GSG1L: variants seen among roughly 807,000 people sequenced by gnomAD.
The protein encoded by GSG1L is germ cell-specific gene 1-like protein.
A neutral mutation model predicts 42.1 loss-of-function variants in GSG1L; 24 were observed. The ratio of observed to expected loss-of-function variants is 0.57; its 90% confidence interval spans 0.41 to 0.80. The LOEUF is 0.80. Among genes scored for constraint, GSG1L ranks in the 30% least tolerant of loss-of-function variants. The pLI is 0.00. For synonymous variants in GSG1L, 215 were observed against 203.5 expected, an observed-to-expected ratio of 1.06 and a Z score of -0.48; for missense variants, 445 against 472.2, an observed-to-expected ratio of 0.94 and a Z score of 0.53.
intron 1 of GSG1L, among the ~76,000 whole-genome samples, chr16:28,008,278 C>G (rs575477732): frequency 6.6e-6 from 1 of 152,168 alleles, no homozygotes. Context: ...CAGGGTTTCA[C>G]CATGTTGGCC....
At chr16:27,944,250 T>C (rs1242674810) in intron 2 of GSG1L, among the ~76,000 whole-genome samples, 1 of 152,172 alleles carries the variant, frequency 6.6e-6, no homozygotes, top group Non-Finnish European at 1.5e-5. Context: ...AAAAAGGTTT[T>C]AAAAATAAAT....
At chr16:27,962,768 C>T (rs2085083903) in intron 2 of GSG1L, among the ~76,000 whole-genome samples, 1 of 152,156 alleles carries the variant, frequency 6.6e-6, no homozygotes, top group Non-Finnish European at 1.5e-5. Context: ...TGTGAGATGA[C>T]AAAGGCCAGG....
chr16:27,919,790 T>C (rs533500514), intron 2 of GSG1L, among the ~76,000 whole-genome samples: 1 of 152,150 alleles, frequency 6.6e-6, no homozygotes, highest in Non-Finnish European at 1.5e-5. Context: ...TAGTTGATAA[T>C]ATGGAGTCCA....
chr16:27,994,416 A>C (rs2141137796), intron 1 of GSG1L, among the ~76,000 whole-genome samples: 1 of 152,324 alleles, frequency 6.6e-6, no homozygotes, highest in South Asian at 2.1e-4. Context: ...AGAAAACGTC[A>C]GTTTTCTGCA....
intron 1 of GSG1L, among the ~76,000 whole-genome samples, chr16:28,046,252 C>T (rs561385667): frequency 4.6e-5 from 7 of 151,462 alleles, no homozygotes; most frequent in Admixed American, 2.0e-4. Flanking sequence ...TGCCCAGCCA[C>T]GAGGCCATAC....
At chr16:27,967,407 T>C (rs1439657027) in intron 1 of GSG1L, among the ~76,000 whole-genome samples, 1 of 152,202 alleles carries the variant, frequency 6.6e-6, no homozygotes, top group Non-Finnish European at 1.5e-5. Flanking sequence ...CGGCCACAGA[T>C]GGGTGAACCC....
chr16:27,985,932 T>G (rs1300875718), intron 1 of GSG1L, among the ~76,000 whole-genome samples: 1 of 152,134 alleles, frequency 6.6e-6, no homozygotes, highest in African/African-American at 2.4e-5. Context: ...ACCCCCTTTT[T>G]GGGGTCTTCT....
At position 27,978,403 on chromosome 16, in the gene GSG1L, A is replaced by T. The variant is rs79405267; in HGVS notation, c.350-15200T>A. ...CCCGCAGACCTGAATTCAAATCCCC[A>T]CTGTGCCAGCTGGGCGCAGTGGCTC... is the stretch of plus-strand genomic sequence containing the variant. On this transcript the variant is annotated intron_variant, in intron 1 of 6. Coordinates refer to ENST00000447459, the MANE Select transcript of GSG1L (RefSeq NM_001109763.2). Among the ~76,000 whole-genome samples the T allele has an allele frequency of 6.8e-3, 1,038 of 152,202 alleles. 59 individuals carry two copies. The East Asian group carries it at 0.14, about 21-fold the overall frequency.
At chr16:27,994,154 G>A (rs2085488003) in intron 1 of GSG1L, among the ~76,000 whole-genome samples, 1 of 152,176 alleles carries the variant, frequency 6.6e-6, no homozygotes, top group South Asian at 2.1e-4. Context: ...AGGAGAGGCT[G>A]CTACAACGGC....
At chr16:27,888,528 TTTCTTTCTTTCTTTCTTTCTTTCTTTC>T (rs2084078033) in intron 2 of GSG1L, among the ~76,000 whole-genome samples, 1 of 26,528 alleles carries the variant, frequency 3.8e-5, no homozygotes, top group Non-Finnish European at 8.9e-5. Context: ...TCTTTCTTTC[TTTCTTTCTTTCTTTCTTTCTTTCTTTC>T]TTTCTTTCTT....
At chr16:27,817,729 T>C (rs757523131) in intron 5 of GSG1L, among the ~76,000 whole-genome samples, 11 of 152,248 alleles carry the variant, frequency 7.2e-5, no homozygotes, top group Non-Finnish European at 1.3e-4. Context: ...AAAAAATGCA[T>C]AGAAAAGGCA....
At chr16:27,870,439 A>G (rs540784859) in intron 3 of GSG1L, among the ~76,000 whole-genome samples, 3 of 145,050 alleles carry the variant, frequency 2.1e-5, no homozygotes, top group East Asian at 4.0e-4. Flanking sequence ...GTCTCCATCC[A>G]TCTCTCTCTC....
At chr16:28,003,928 G>A (rs1003224749) in intron 1 of GSG1L, among the ~76,000 whole-genome samples, 8 of 152,236 alleles carry the variant, frequency 5.3e-5, no homozygotes, top group African/African-American at 1.9e-4. Flanking sequence ...AGACTGCTCT[G>A]AAAAGCTTGA....
chr16:27,871,154 C>A (rs1181549890), intron 3 of GSG1L, among the ~76,000 whole-genome samples: 6 of 152,148 alleles, frequency 3.9e-5, no homozygotes, highest in Admixed American at 1.3e-4. Context: ...AACATTCCCC[C>A]ATGAAAATTC....
At chr16:27,982,897 C>G (rs1434784571) in intron 1 of GSG1L, among the ~76,000 whole-genome samples, 1 of 152,174 alleles carries the variant, frequency 6.6e-6, no homozygotes, top group Non-Finnish European at 1.5e-5. Context: ...TACCAGTCCC[C>G]ACCTCCAACA....
intron 3 of GSG1L, among the ~76,000 whole-genome samples, chr16:27,852,700 C>T (rs910603865): frequency 6.6e-6 from 1 of 152,072 alleles, no homozygotes; most frequent in Non-Finnish European, 1.5e-5. Context: ...TTAAGCCATC[C>T]GAGGCAGTTT....
At chr16:28,034,567 A>G (rs552903217) in intron 1 of GSG1L, among the ~76,000 whole-genome samples, 19 of 151,326 alleles carry the variant, frequency 1.3e-4, no homozygotes, top group Admixed American at 5.3e-4. Context: ...TTCCCTTTCT[A>G]TTTCTCAGAG....
At chr16:27,928,873 C>T (rs2084626215) in intron 2 of GSG1L, among the ~76,000 whole-genome samples, 1 of 152,230 alleles carries the variant, frequency 6.6e-6, no homozygotes, top group South Asian at 2.1e-4. Flanking sequence ...ATTTCTGTCC[C>T]TCTTTGCTTC....
At chr16:27,823,772 C>T in intron 5 of GSG1L, 3 of 687,768 alleles carry the variant, frequency 4.4e-6, no homozygotes, top group Non-Finnish European at 8.0e-6. Context: ...AGCTCAATAC[C>T]CAGCAGAGAT....
Sources: gnomAD v4.1 joint callset for allele counts (sites outside exome capture counted in the v4.1 genomes callset) on GRCh38, gnomAD v4.1.1 for gene constraint, MANE v1.5 for transcripts, NCBI Gene and HGNC (gene_info 2026-07-23, HGNC 2026-07-21) for gene names.